RCOR1: variants seen among roughly 807,000 people sequenced by gnomAD.
The protein encoded by RCOR1 is REST corepressor.
A neutral mutation model predicts 64.0 loss-of-function variants in RCOR1; 12 were observed. That is an observed-to-expected ratio of 0.19 (90% CI 0.12 to 0.30). The LOEUF (loss-of-function observed/expected upper bound fraction) is 0.30, where lower values mean the gene tolerates loss of function less well. Among genes scored for constraint, RCOR1 ranks in the 10% least tolerant of loss-of-function variants. The probability of loss-of-function intolerance (pLI) is 1.00; values close to 1 mark genes in which losing one functional copy is unlikely to be tolerated. For synonymous variants in RCOR1, 279 were observed against 227.2 expected (o/e 1.23, Z -2.05); for missense variants, 502 against 621.2 (o/e 0.81, Z 2.04).
chr14:102,623,380 T>TTTA (rs753116007), intron 2 of RCOR1, among the ~76,000 whole-genome samples: 359 of 139,092 alleles, frequency 2.6e-3, no homozygotes, highest in African/African-American at 7.9e-3. Flanking sequence ...ACTTCCTTTA[T>TTTA]TTATTTATTA....
intron 2 of RCOR1, among the ~76,000 whole-genome samples, chr14:102,598,296 C>G (rs1003163702): frequency 6.6e-5 from 10 of 152,260 alleles, no homozygotes; most frequent in Admixed American, 1.3e-4. Flanking sequence ...GGTATGCCAG[C>G]TTGACCCTAT....
At chr14:102,707,967 CTTTT>C (rs35272192) in intron 5 of RCOR1, among the ~76,000 whole-genome samples, 3 of 127,252 alleles carry the variant, frequency 2.4e-5, no homozygotes, top group Non-Finnish European at 1.6e-5. Flanking sequence ...TTTTTTGTAT[CTTTT>C]TTTTTTTTTT....
intron 2 of RCOR1, among the ~76,000 whole-genome samples, chr14:102,639,029 T>C (rs1894303070): frequency 6.6e-6 from 1 of 152,192 alleles, no homozygotes; most frequent in Admixed American, 6.5e-5. Context: ...TTTGTACAGC[T>C]ACCACTGTAC....
intron 2 of RCOR1, among the ~76,000 whole-genome samples, chr14:102,603,807 A>C (rs1235610222): frequency 6.6e-6 from 1 of 151,856 alleles, no homozygotes; most frequent in Non-Finnish European, 1.5e-5. Flanking sequence ...TTTTTTGTAG[A>C]GACAGGGTTT....
At chr14:102,701,490 G>T (rs577947820) in intron 4 of RCOR1, among the ~76,000 whole-genome samples, 160 bp downstream of exon 4, 1 of 152,008 alleles carries the variant, frequency 6.6e-6, no homozygotes, top group East Asian at 1.9e-4. Context: ...TCTTTTTCTT[G>T]TTCAAGATGA....
chr14:102,705,952 C>CAA (rs1036991923), intron 4 of RCOR1, among the ~76,000 whole-genome samples: 1 of 143,456 alleles, frequency 7.0e-6, no homozygotes, highest in African/African-American at 2.6e-5. Context: ...CCTGTCTCTA[C>CAA]AAAAAAAAAA....
rs140834119 is a variant in RCOR1, at chr14:102,706,326, G to C, written c.499-1025G>C. Among the ~76,000 whole-genome samples the C allele has an allele frequency of 1.6e-3, 237 of 152,106 alleles. 1 individual carries two copies. Among genetic ancestry groups the C allele is most frequent in the African/African-American group, 5.4e-3 (226 of 41,498 alleles). On this transcript the variant is annotated intron_variant, in intron 4 of 11. Transcript: ENST00000262241. ...AATTACAGGATCCCAGTATATACAA[G>C]AGATTTACATTAGTTCCAAAAACAC...
chr14:102,640,213 A>C (rs941813595), intron 2 of RCOR1, among the ~76,000 whole-genome samples: 2 of 151,314 alleles, frequency 1.3e-5, no homozygotes, highest in African/African-American at 4.9e-5. Flanking sequence ...TGAACTCCGG[A>C]ATTTCAGATC....
Position 102,722,214 on chromosome 14 carries a change from A to G in RCOR1, c.1217A>G (p.Gln406Arg), listed in dbSNP as rs970280620. The stretch of plus-strand genomic sequence containing the variant: ...ATCAGGAAATATGGCCGAGATTTTC[A>G]GGCAATCTCAGACGTGATTGGGAAC... ...QAIRKYGRDF[Q>R]AISDVIGNKS... is the part of the protein sequence containing the mutation. Residue 406 changes from glutamine to arginine, a missense_variant, in exon 11 of 12, where the codon CAG (glutamine) becomes CGG (arginine). Gln to Arg is a conservative substitution (Grantham distance 43, BLOSUM62 1). Coordinates refer to ENST00000262241, the MANE Select transcript of RCOR1 (RefSeq NM_015156.4). 3.1e-6 allele frequency: 5 copies of G among 1,613,876 alleles called. No homozygotes were observed. Among genetic ancestry groups the G allele is most frequent in the Non-Finnish European group, 4.2e-6 (5 of 1,179,856 alleles).
intron 2 of RCOR1, among the ~76,000 whole-genome samples, chr14:102,628,241 C>T (rs536796653): frequency 3.1e-4 from 47 of 152,268 alleles, no homozygotes; most frequent in East Asian, 7.7e-4. Flanking sequence ...ACTCAGTCCA[C>T]GGATTCAAAT....
intron 2 of RCOR1, chr14:102,658,043 C>T (rs1004160257): frequency 1.7e-5 from 11 of 652,570 alleles, no homozygotes; most frequent in African/African-American, 1.2e-4. Context: ...GGCATGATCT[C>T]GGCTCACTGT....
At chr14:102,701,428 T>A (rs1374595600) in intron 4 of RCOR1, 98 bp downstream of exon 4, 1 of 903,370 alleles carries the variant, frequency 1.1e-6, no homozygotes, top group African/African-American at 1.8e-5. Context: ...GCAGTGTTTC[T>A]TCATTAGCAA....
intron 2 of RCOR1, chr14:102,662,115 G>A (rs1011745528): frequency 1.1e-5 from 4 of 351,542 alleles, no homozygotes. Flanking sequence ...GTTGTCATTT[G>A]CATGTTGTAC....
At chr14:102,669,504 T>C (rs1894988347) in intron 2 of RCOR1, among the ~76,000 whole-genome samples, 1 of 152,308 alleles carries the variant, frequency 6.6e-6, no homozygotes, top group East Asian at 1.9e-4. Context: ...TTGATCATAA[T>C]GTATGGTGTC....
chr14:102,721,270 A>C (rs375033839), intron 9 of RCOR1, 50 bp from the exon 10 acceptor site: 1 of 1,493,908 alleles, frequency 6.7e-7, no homozygotes, highest in Admixed American at 1.7e-5. Flanking sequence ...TCATAAGGAC[A>C]TACTCATCTC....
chr14:102,715,383 A>T (rs185659976), intron 8 of RCOR1, among the ~76,000 whole-genome samples: 352 of 137,674 alleles, frequency 2.6e-3, no homozygotes, highest in African/African-American at 9.2e-3. Flanking sequence ...GATTTTTTTT[A>T]ATTTTATTTT....
chr14:102,604,056 A>C (rs1451301808), intron 2 of RCOR1, among the ~76,000 whole-genome samples: 2 of 152,106 alleles, frequency 1.3e-5, no homozygotes, highest in East Asian at 3.8e-4. Context: ...CTGTACTCAG[A>C]GATTGGTCTT....
chr14:102,630,655 C>T (rs1204523836), intron 2 of RCOR1, among the ~76,000 whole-genome samples: 1 of 152,118 alleles, frequency 6.6e-6, no homozygotes, highest in Non-Finnish European at 1.5e-5. Flanking sequence ...ATACCTCATC[C>T]AGAAGATAAG....
chr14:102,706,969 T>A (rs1376075958), intron 4 of RCOR1, among the ~76,000 whole-genome samples: 1 of 152,080 alleles, frequency 6.6e-6, no homozygotes, highest in East Asian at 1.9e-4. Context: ...CCTAACAAGT[T>A]ATCACCATCC....
Sources: gnomAD v4.1 joint callset for allele counts (sites outside exome capture counted in the v4.1 genomes callset) on GRCh38, gnomAD v4.1.1 for gene constraint, MANE v1.5 for transcripts, NCBI Gene and HGNC (gene_info 2026-07-23, HGNC 2026-07-21) for gene names.